Variants in MTCL1 observed in about 807,000 individuals in gnomAD.
The protein encoded by MTCL1 is microtubule cross-linking factor 1.
In MTCL1, 79 loss-of-function variants were observed where a neutral mutation model predicts 141.4. The observed-to-expected ratio is 0.56, with a 90% CI of 0.47 to 0.67. The LOEUF is 0.67. Ranked by LOEUF, MTCL1 falls within the 30% of genes least tolerant of loss-of-function variation. MTCL1 has a pLI of 0.00. For missense variants in MTCL1, 2,177 were observed against 2,113.9 expected (o/e 1.03, Z -0.59); for synonymous variants, 914 against 875.8 (o/e 1.04, Z -0.77).
At chr18:8,762,664 C>CA (rs1277869410) in intron 4 of MTCL1, among the ~76,000 whole-genome samples, 1 of 152,228 alleles carries the variant, frequency 6.6e-6, no homozygotes, top group Non-Finnish European at 1.5e-5. Context: ...CCAGAACCCC[C>CA]ACAGGGGTGG....
Position 8,784,464 on chromosome 18 carries a change from C to CT in MTCL1, c.1353dup (p.Glu452Ter), listed in dbSNP as rs1452066474. 6.5e-7 allele frequency: 1 copy of CT among 1,548,208 alleles called. No homozygotes were observed. Among genetic ancestry groups the CT allele is most frequent in the Non-Finnish European group, 8.7e-7 (1 of 1,146,618 alleles). ...GAGCTCCTGAAGGCCCGGGAGGACT[C>CT]TGAGTACCTAGTGACCCTAAAACAC... is the stretch of plus-strand genomic sequence containing the variant. On this transcript the variant is annotated frameshift_variant, in exon 6 of 17. Coordinates refer to ENST00000359865, the Ensembl canonical transcript of MTCL1. LOFTEE classifies it high-confidence loss of function.
intron 1 of MTCL1, among the ~76,000 whole-genome samples, chr18:8,710,888 C>CTTTTTTTTT (rs71356255): frequency 7.4e-5 from 6 of 80,958 alleles, no homozygotes; most frequent in African/African-American, 1.0e-4. Flanking sequence ...TTTTTTTTTA[C>CTTTTTTTTT]TTTTTTTTTT....
chr18:8,820,878 C>T (rs552509086), intron 13 of MTCL1, among the ~76,000 whole-genome samples: 4 of 152,318 alleles, frequency 2.6e-5, no homozygotes, highest in Non-Finnish European at 4.4e-5. Flanking sequence ...CAGACAACCT[C>T]GTGTTTATGC....
chr18:8,724,888 T>A lies in MTCL1; in HGVS notation c.357+4392T>A, dbSNP rs557382277. On this transcript the variant is annotated intron_variant, in intron 4 of 16. Transcript: ENST00000359865. ...CTAGCCAGCTTGCTTGCTGGCATCC[T>A]GTGCCTATTCACTCTTGGAGTCTGT... Among the ~76,000 whole-genome samples the A allele has an allele frequency of 1.3e-5, 2 of 152,086 alleles. 1 individual carries two copies. The highest frequency in any genetic ancestry group is 4.1e-4 in the South Asian group (2 of 4,820).
chr18:8,788,922 C>A (rs2075620401), intron 7 of MTCL1, among the ~76,000 whole-genome samples: 1 of 152,254 alleles, frequency 6.6e-6, no homozygotes, highest in Middle Eastern at 3.2e-3. Context: ...GCACTGGACT[C>A]TTCCCTGACT....
At position 8,818,555 on chromosome 18, in the gene MTCL1, G is replaced by A. The variant is rs116535486; in HGVS notation, c.2860-408G>A. Among the ~76,000 whole-genome samples the A allele has an allele frequency of 2.8e-3, 429 of 152,340 alleles. 2 individuals carry two copies. Among genetic ancestry groups the A allele is most frequent in the African/African-American group, 9.8e-3 (407 of 41,582 alleles). ...ACTCAGAAGTTTGCTATCACTGATA[G>A]TATTCCACTGAGTATGTCTTCACTT... is the stretch of plus-strand genomic sequence containing the variant. On this transcript the variant is annotated intron_variant, in intron 12 of 16. Coordinates refer to ENST00000359865, the Ensembl canonical transcript of MTCL1.
In MTCL1 at chr18:8,820,388, C is replaced by T. The variant is rs111987069; in HGVS notation, c.3157-1079C>T. ...TCGCGCCACTGCACTCCAGCCTGGG[C>T]GACAGAGCAAGACTCCATCCAAAAA... On this transcript the variant is annotated intron_variant, in intron 13 of 16. Coordinates refer to ENST00000359865, the Ensembl canonical transcript of MTCL1. Among the ~76,000 whole-genome samples the T allele has an allele frequency of 1.5e-4, 22 of 151,712 alleles. 1 individual carries two copies. The highest frequency in any genetic ancestry group is 3.6e-4 in the African/African-American group (15 of 41,334).
chr18:8,785,562 G>C (rs1254764787), intron 6 of MTCL1: 1 of 244,706 alleles, frequency 4.1e-6, no homozygotes. Flanking sequence ...AGTAAGGAAG[G>C]AAGAGCCTCG....
At chr18:8,824,530 C>T (rs1019047089) in intron 14 of MTCL1, among the ~76,000 whole-genome samples, 169 bp from the exon 14 acceptor site, 5 of 152,192 alleles carry the variant, frequency 3.3e-5, no homozygotes, top group East Asian at 1.9e-4. Flanking sequence ...AATAAATGCC[C>T]GCAGGGTAAG....
chr18:8,760,172 G>A (rs546213726), intron 4 of MTCL1, among the ~76,000 whole-genome samples: 1 of 152,322 alleles, frequency 6.6e-6, no homozygotes, highest in African/African-American at 2.4e-5. Flanking sequence ...CAGTCCCTCA[G>A]TGAGTCCAAC....
rs774909728 is a variant in MTCL1, at chr18:8,828,934, C to T, written c.4749C>T (p.Pro1583=). ...ACCAAACTGTCTTGCTAACTGCCCC[C>T]TGGGGACTCTAGCCCTGCCCGCCTC... is the stretch of plus-strand genomic sequence containing the variant. Residue 1583 remains proline, a synonymous_variant, in exon 16 of 17, where the codon CCC becomes CCT. Coordinates refer to ENST00000359865, the Ensembl canonical transcript of MTCL1. This position sits in a 1 kb window ranked among gnomAD's most constrained non-coding sequence, Gnocchi z 5.2. 3 of 1,614,250 alleles carry T rather than the reference C, an allele frequency of 1.9e-6. No homozygotes were observed. Among genetic ancestry groups the T allele is most frequent in the South Asian group, 2.2e-5 (2 of 91,086 alleles).
intron 11 of MTCL1, chr18:8,809,536 A>G: frequency 6.5e-7 from 1 of 1,536,248 alleles, no homozygotes; most frequent in Non-Finnish European, 8.7e-7. Flanking sequence ...AAAACGTTGA[A>G]GAGCCTTGGG....
intron 5 of MTCL1, among the ~76,000 whole-genome samples, chr18:8,781,034 G>T (rs2096530739): frequency 6.6e-6 from 1 of 151,892 alleles, no homozygotes; most frequent in South Asian, 2.1e-4. Flanking sequence ...GGGCATGGTG[G>T]CACACTCCTG....
intron 6 of MTCL1, chr18:8,785,714 A>C: frequency 1.1e-5 from 6 of 560,796 alleles, no homozygotes; most frequent in South Asian, 2.4e-5. Flanking sequence ...CCCTTTGCTC[A>C]TCCTCATCTT....
intron 4 of MTCL1, among the ~76,000 whole-genome samples, chr18:8,752,687 G>A (rs1316263964): frequency 6.6e-6 from 1 of 152,122 alleles, no homozygotes; most frequent in Admixed American, 6.5e-5. Context: ...GAAAAATATT[G>A]TCATAAAGAC....
At chr18:8,737,152 A>C (rs550752859) in intron 4 of MTCL1, among the ~76,000 whole-genome samples, 1 of 152,250 alleles carries the variant, frequency 6.6e-6, no homozygotes, top group South Asian at 2.1e-4. Flanking sequence ...CTGTGCAGTA[A>C]AGTTCTGGAC....
intron 12 of MTCL1, among the ~76,000 whole-genome samples, chr18:8,816,744 A>G (rs897189804): frequency 1.3e-5 from 2 of 152,106 alleles, no homozygotes; most frequent in African/African-American, 4.8e-5. Flanking sequence ...TCTTTCTACC[A>G]GTCTGGGGAA....
intron 4 of MTCL1, among the ~76,000 whole-genome samples, chr18:8,733,516 C>G (rs2096261744): frequency 6.6e-6 from 1 of 152,162 alleles, no homozygotes; most frequent in African/African-American, 2.4e-5. Flanking sequence ...AGCGATTCTC[C>G]TGCCTTGGCC....
chr18:8,762,953 T>G (rs1475159975), intron 4 of MTCL1, among the ~76,000 whole-genome samples: 3 of 152,188 alleles, frequency 2.0e-5, no homozygotes, highest in Non-Finnish European at 4.4e-5. Flanking sequence ...TATCTTTCCG[T>G]TTCTGTGTAT....
Sources: gnomAD v4.1 joint callset for allele counts (sites outside exome capture counted in the v4.1 genomes callset) on GRCh38, gnomAD v4.1.1 for gene constraint, Gnocchi (gnomAD v3.1) non-coding constraint, MANE v1.5 for transcripts, NCBI Gene and HGNC (gene_info 2026-07-23, HGNC 2026-07-21) for gene names.